PPP1R14A: variants seen among roughly 807,000 people sequenced by gnomAD.
The protein encoded by PPP1R14A is protein phosphatase 1 regulatory inhibitor subunit 14A.
A neutral mutation model predicts 14.1 loss-of-function variants in PPP1R14A; 9 were observed. The observed-to-expected ratio is 0.64, with a 90% CI of 0.38 to 1.11. PPP1R14A has a LOEUF of 1.11. Ranked by LOEUF, PPP1R14A falls within the 50% of genes most tolerant of loss-of-function variation. PPP1R14A has a pLI of 0.01. For synonymous variants in PPP1R14A, 93 were observed against 88.7 expected (o/e 1.05, Z -0.27); for missense variants, 208 against 200.7 (o/e 1.04, Z -0.22).
In PPP1R14A at chr19:38,251,416, G is replaced by A; in HGVS notation, c.346C>T (p.Gln116Ter). The A allele has an allele frequency of 1.3e-6, 2 of 1,570,248 alleles. No homozygotes were observed. Among genetic ancestry groups the A allele is most frequent in the Non-Finnish European group, 1.7e-6 (2 of 1,164,692 alleles). ...DFIQELLAKL[Q>*]GLHRQPGLRQ... ...AGGCCGGGCTGCCTGTGGAGGCCTTGAAGCTTTGCCAGCAGCTCCTGGATG... is the reference window on the plus strand; with the variant it reads ...AGGCCGGGCTGCCTGTGGAGGCCTTAAAGCTTTGCCAGCAGCTCCTGGATG... The change falls in exon 4 of 4, where the codon CAA (glutamine) becomes TAA (stop). Residue 116 changes from glutamine to a stop codon, truncating the protein, a stop_gained. Coordinates refer to ENST00000301242, the MANE Select transcript of PPP1R14A (RefSeq NM_033256.3). LOFTEE classifies it high-confidence loss of function.
At position 38,252,420 on chromosome 19, in the gene PPP1R14A, G is replaced by A; in HGVS notation, c.283-82C>T. ...TCCAGCCCCTTCCCTTTCCCAAAAG[G>A]CCCCAGCAGCAAGACAAATGGAAGT... On this transcript the variant is annotated intron_variant, in intron 2 of 3. Transcript: ENST00000301242. The surrounding 1 kb of genome is among the most constrained non-coding windows in gnomAD (Gnocchi z 4.1). The A allele has an allele frequency of 7.2e-7, 1 of 1,386,074 alleles. No homozygotes were observed. Among genetic ancestry groups the A allele is most frequent in the South Asian group, 1.2e-5 (1 of 82,468 alleles). The allele number at this position is 1,386,074 out of a possible 1,614,324, so 85.9% of individuals were successfully genotyped here. A position where few individuals can be genotyped will look rare whatever the true frequency, so the allele number is the denominator to read the frequency against.
chr19:38,251,286 G>A lies in PPP1R14A; in HGVS notation c.*32C>T, dbSNP rs373068440. ...CAACTTATACACAAGCAAGCTGGGCGGCGTCCGGGGGGCAGGGAGAGTGCA... is the reference window on the plus strand; with the variant it reads ...CAACTTATACACAAGCAAGCTGGGCAGCGTCCGGGGGGCAGGGAGAGTGCA... On this transcript the variant is annotated 3_prime_UTR_variant, in exon 4 of 4. Coordinates refer to ENST00000301242, the MANE Select transcript of PPP1R14A (RefSeq NM_033256.3). 3.4e-5 allele frequency: 48 copies of A among 1,426,508 alleles called. No individual in the cohort carries two copies. The highest frequency in any genetic ancestry group is 3.4e-5 in the Non-Finnish European group (37 of 1,097,640). The allele number at this position is 1,426,508 out of a possible 1,614,324, so 88.4% of individuals were successfully genotyped here.
chr19:38,255,970 G>C (rs904574802), intron 1 of PPP1R14A, among the ~76,000 whole-genome samples, 169 bp downstream of exon 1: 1 of 151,956 alleles, frequency 6.6e-6, no homozygotes, highest in Non-Finnish European at 1.5e-5. Context: ...CAATGCCATA[G>C]AGCACGGATG....
chr19:38,254,868 A>C (rs1432594990), intron 1 of PPP1R14A, among the ~76,000 whole-genome samples: 1 of 151,662 alleles, frequency 6.6e-6, no homozygotes, highest in East Asian at 2.0e-4. Context: ...ATCTCGGCTC[A>C]CCGCAACCTC....
In PPP1R14A at chr19:38,252,917, C is replaced by T; in HGVS notation, c.259G>A (p.Glu87Lys). 1 of 1,614,080 alleles carries T rather than the reference C, an allele frequency of 6.2e-7. No individual in the cohort carries two copies. The highest frequency in any genetic ancestry group is 1.1e-5 in the South Asian group (1 of 91,084). Reference protein sequence around the residue: ...IDELLELESEEERSRKIQGLL... With the variant: ...IDELLELESEKERSRKIQGLL... ...ACCTGGATTTTCCGGCTTCTCTCCT[C>T]TTCACTCTCTAACTCCAACAATTCA... The change falls in exon 2 of 4, where the codon GAG becomes AAG. Residue 87 changes from glutamate to lysine, a missense_variant. Transcript: ENST00000301242. This position sits in a 1 kb window ranked among gnomAD's most constrained non-coding sequence, Gnocchi z 4.1.
intron 1 of PPP1R14A, chr19:38,253,232 G>T (rs1470930052): frequency 4.3e-6 from 2 of 462,026 alleles, no homozygotes; most frequent in Non-Finnish European, 7.8e-6. Flanking sequence ...CTCGGGGCTG[G>T]CACGGGTCTC....
At chr19:38,254,742 G>A (rs889143150) in intron 1 of PPP1R14A, among the ~76,000 whole-genome samples, 9 of 152,214 alleles carry the variant, frequency 5.9e-5, no homozygotes, top group African/African-American at 1.7e-4. Flanking sequence ...TGTGAGCAGC[G>A]GTGGGTTCTG....
Position 38,252,527 on chromosome 19 carries a change from T to G in PPP1R14A, c.283-189A>C. 6.6e-6 allele frequency among the ~76,000 whole-genome samples: 1 copy of G among 151,572 alleles called. No homozygotes were observed. Among genetic ancestry groups the G allele is most frequent in the Non-Finnish European group, 1.5e-5 (1 of 67,940 alleles). On this transcript the variant is annotated intron_variant, in intron 2 of 3. Transcript: ENST00000301242. This position sits in a 1 kb window ranked among gnomAD's most constrained non-coding sequence, Gnocchi z 4.1. Reference sequence around the variant, plus strand: ...CATGTGGATCGACTCAGGGCAGGGGTGAGTTACTAGATCCAGAGAGGGCGA... The same window carrying G: ...CATGTGGATCGACTCAGGGCAGGGGGGAGTTACTAGATCCAGAGAGGGCGA...
At position 38,252,883 on chromosome 19, in the gene PPP1R14A, C is replaced by T. The variant is rs1162073555; in HGVS notation, c.282+11G>A. On this transcript the variant is annotated intron_variant, in intron 2 of 3. Transcript: ENST00000301242. The surrounding 1 kb of genome is among the most constrained non-coding windows in gnomAD (Gnocchi z 4.1). Reference sequence around the variant, plus strand: ...AAAGTGGGAGGCTGGGGGACACGTCCCCCCACCTACCTGGATTTTCCGGCT... The same window carrying T: ...AAAGTGGGAGGCTGGGGGACACGTCTCCCCACCTACCTGGATTTTCCGGCT... The T allele has an allele frequency of 2.5e-6, 4 of 1,603,562 alleles. No homozygotes were observed. The highest frequency in any genetic ancestry group is 3.4e-6 in the Non-Finnish European group (4 of 1,170,550).
rs931441970 is a variant in PPP1R14A at position 38,252,137 on chromosome 19, G to A, written c.315+169C>T. 1.6e-5 allele frequency: 10 copies of A among 639,432 alleles called. No homozygotes were observed. The highest frequency in any genetic ancestry group is 2.2e-5 in the Non-Finnish European group (8 of 361,108). The allele number at this position is 639,432 out of a possible 1,614,324, so 39.6% of individuals were successfully genotyped here. A position where few individuals can be genotyped will look rare whatever the true frequency, so the allele number is the denominator to read the frequency against. On this transcript the variant is annotated intron_variant, in intron 3 of 3. Coordinates refer to ENST00000301242, the MANE Select transcript of PPP1R14A (RefSeq NM_033256.3). This position sits in a 1 kb window ranked among gnomAD's most constrained non-coding sequence, Gnocchi z 4.1. ...GAGAGAGGGAGAGAGACAAGTAGGA[G>A]GACAAAAGACACCCCTGGAGACCAG... is the stretch of plus-strand genomic sequence containing the variant.
chr19:38,251,741 A>G, intron 3 of PPP1R14A: 1 of 463,398 alleles, frequency 2.2e-6, no homozygotes, highest in South Asian at 4.0e-5. Context: ...AGAGACATGT[A>G]GAGATAGAGA....
At chr19:38,253,151 G>T (rs139609436) in intron 1 of PPP1R14A, 177 bp from the exon 2 acceptor site, 326 of 593,092 alleles carry the variant, frequency 5.5e-4, no homozygotes, top group African/African-American at 5.4e-3. Flanking sequence ...GGGGGGAGGG[G>T]TGACAGATGG....
Position 38,251,264 on chromosome 19 carries a change from C to T in PPP1R14A, c.*54G>A, listed in dbSNP as rs746517261. 1.4e-6 allele frequency: 2 copies of T among 1,384,256 alleles called. No homozygotes were observed. The highest frequency in any genetic ancestry group is 1.9e-6 in the Non-Finnish European group (2 of 1,075,298). 85.7% of individuals were successfully genotyped at this position (1,384,256 alleles called of 1,614,324 possible). A position where few individuals can be genotyped will look rare whatever the true frequency, so the allele number is the denominator to read the frequency against. ...ATTGTTACAGAACCATTAAATACAA[C>T]TTATACACAAGCAAGCTGGGCGGCG... On this transcript the variant is annotated 3_prime_UTR_variant, in exon 4 of 4. Coordinates refer to ENST00000301242, the MANE Select transcript of PPP1R14A (RefSeq NM_033256.3).
chr19:38,255,556 C>T (rs536162310), intron 1 of PPP1R14A, among the ~76,000 whole-genome samples: 6 of 152,064 alleles, frequency 3.9e-5, no homozygotes, highest in Non-Finnish European at 5.9e-5. Context: ...TGTCTGCCTA[C>T]GGCTGTGGCC....
Position 38,256,178 on chromosome 19 carries a change from C to T in PPP1R14A, c.162G>A (p.Lys54=). The T allele has an allele frequency of 6.5e-7, 1 of 1,549,720 alleles. No homozygotes were observed. Among genetic ancestry groups the T allele is most frequent in the Non-Finnish European group, 8.7e-7 (1 of 1,151,966 alleles). The change falls in exon 1 of 4, where the codon AAG becomes AAA. Residue 54 remains lysine, a synonymous_variant. Transcript: ENST00000301242. This position sits in a 1 kb window ranked among gnomAD's most constrained non-coding sequence, Gnocchi z 5.7. ...RELQRRLDVE[K]WIDGRLEELY... is the part of the protein sequence containing the mutation. ...GCTCCTCCAGGCGCCCGTCGATCCA[C>T]TTCTCCACGTCCAGCCGCCGCTGCA...
At position 38,256,076 on chromosome 19, in the gene PPP1R14A, G is replaced by T; in HGVS notation, c.201+63C>A. Reference sequence around the variant, plus strand: ...GAGTGTGCACCGAGACCCCAAGGGCGTGGGGTCTCCGCGCCCGGGCTCTAT... The same window carrying T: ...GAGTGTGCACCGAGACCCCAAGGGCTTGGGGTCTCCGCGCCCGGGCTCTAT... On this transcript the variant is annotated intron_variant, in intron 1 of 3. Coordinates refer to ENST00000301242, the MANE Select transcript of PPP1R14A (RefSeq NM_033256.3). This position sits in a 1 kb window ranked among gnomAD's most constrained non-coding sequence, Gnocchi z 5.7. 1.4e-6 allele frequency: 2 copies of T among 1,402,576 alleles called. No homozygotes were observed. Among genetic ancestry groups the T allele is most frequent in the South Asian group, 1.3e-5 (1 of 74,972 alleles). 86.9% of individuals were successfully genotyped at this position (1,402,576 alleles called of 1,614,324 possible). A position where few individuals can be genotyped will look rare whatever the true frequency, so the allele number is the denominator to read the frequency against.
At chr19:38,253,228 G>A in intron 1 of PPP1R14A, 1 of 469,894 alleles carries the variant, frequency 2.1e-6, no homozygotes, top group Non-Finnish European at 3.8e-6. Flanking sequence ...GAGCCTCGGG[G>A]CTGGCACGGG....
chr19:38,252,876 A>T lies in PPP1R14A; in HGVS notation c.282+18T>A. ...GAGGTGCAAAGTGGGAGGCTGGGGG[A>T]CACGTCCCCCCACCTACCTGGATTT... On this transcript the variant is annotated intron_variant, in intron 2 of 3. Transcript: ENST00000301242. This position sits in a 1 kb window ranked among gnomAD's most constrained non-coding sequence, Gnocchi z 4.1. 2 of 1,572,792 alleles carry T rather than the reference A, an allele frequency of 1.3e-6. No individual in the cohort carries two copies. Among genetic ancestry groups the T allele is most frequent in the Non-Finnish European group, 1.8e-6 (2 of 1,142,382 alleles).
chr19:38,251,316 G>A lies in PPP1R14A; in HGVS notation c.*2C>T. 6.7e-7 allele frequency: 1 copy of A among 1,493,892 alleles called. No homozygotes were observed. The highest frequency in any genetic ancestry group is 8.8e-7 in the Non-Finnish European group (1 of 1,135,210). 92.5% of individuals were successfully genotyped at this position (1,493,892 alleles called of 1,614,324 possible). A position where few individuals can be genotyped will look rare whatever the true frequency, so the allele number is the denominator to read the frequency against. On this transcript the variant is annotated 3_prime_UTR_variant, in exon 4 of 4. Coordinates refer to ENST00000301242, the MANE Select transcript of PPP1R14A (RefSeq NM_033256.3). ...CCGGGGGGCAGGGAGAGTGCAAGAG[G>A]GTCAGGGGTGAGCAGTCCGGGCCCG...
Sources: gnomAD v4.1 joint callset for allele counts (sites outside exome capture counted in the v4.1 genomes callset) on GRCh38, gnomAD v4.1.1 for gene constraint, Gnocchi (gnomAD v3.1) non-coding constraint, MANE v1.5 for transcripts, NCBI Gene and HGNC (gene_info 2026-07-23, HGNC 2026-07-21) for gene names.